The following MPHOSPH9 variants were observed in gnomAD, a reference collection of about 807,000 sequenced individuals.
The protein encoded by MPHOSPH9 is M-phase phosphoprotein 9.
MPHOSPH9 carries 88 observed loss-of-function variants against 145.5 expected under a neutral mutation model. That is an observed-to-expected ratio of 0.60 (90% CI 0.51 to 0.72). The LOEUF (loss-of-function observed/expected upper bound fraction) is 0.72. MPHOSPH9 is among the 30% of genes least tolerant of loss of function. The probability of loss-of-function intolerance (pLI) is 0.00; values close to 1 mark genes in which losing one functional copy is unlikely to be tolerated. For missense variants in MPHOSPH9, 1,238 were observed against 1,386.6 expected (o/e 0.89, Z 1.70); for synonymous variants, 435 against 486.2 (o/e 0.89, Z 1.39).
intron 4 of MPHOSPH9, among the ~76,000 whole-genome samples, chr12:123,222,160 C>G (rs1200276914): frequency 6.8e-6 from 1 of 147,434 alleles, no homozygotes; most frequent in African/African-American, 2.5e-5. Flanking sequence ...CGGTGAAACT[C>G]TGACTCTACT....
At chr12:123,176,567 A>T in intron 16 of MPHOSPH9, 121 bp downstream of exon 16, 1 of 697,848 alleles carries the variant, frequency 1.4e-6, no homozygotes, top group African/African-American at 1.8e-5. Flanking sequence ...AATCTAACAC[A>T]TTTAAGTTCT....
downstream of MPHOSPH9, chr12:123,153,376 G>A (rs138377282): frequency 7.2e-5 from 11 of 152,244 alleles, no homozygotes; most frequent in East Asian, 1.9e-3. Flanking sequence ...TTTGCAAAGC[G>A]TGAAGAGAAC....
In MPHOSPH9 at chr12:123,187,642, C is replaced by G. The variant is rs569974995; in HGVS notation, c.2242-6432G>C. ...TACTAATAATTTACATGATGTGGTT[C>G]CAATTCAGAGACAGACCAATGGAAC... On this transcript the variant is annotated intron_variant, in intron 13 of 23. Coordinates refer to ENST00000606320, the MANE Select transcript of MPHOSPH9 (RefSeq NM_022782.4). Among the ~76,000 whole-genome samples the G allele has an allele frequency of 5.3e-4, 80 of 152,230 alleles. No homozygotes were observed. The Middle Eastern group carries it at 0.01, about 20-fold the overall frequency.
At chr12:123,205,554 A>C (rs1274425493) in intron 8 of MPHOSPH9, among the ~76,000 whole-genome samples, 3 of 152,176 alleles carry the variant, frequency 2.0e-5, no homozygotes, top group African/African-American at 7.2e-5. Context: ...TCAAAAAAAA[A>C]AAAGTACCAC....
At chr12:123,239,649 G>A (rs531042482) in intron 1 of MPHOSPH9, among the ~76,000 whole-genome samples, 2 of 152,228 alleles carry the variant, frequency 1.3e-5, no homozygotes, top group Admixed American at 6.5e-5. Flanking sequence ...TGATCTGCCC[G>A]CCTTGGCCTC....
chr12:123,187,895 G>A (rs972268945), intron 13 of MPHOSPH9, among the ~76,000 whole-genome samples: 12 of 152,136 alleles, frequency 7.9e-5, no homozygotes, highest in African/African-American at 2.9e-4. Context: ...GTAGACTGAG[G>A]CGGGTGAATC....
At chr12:123,238,632 C>G (rs2047887391) in intron 1 of MPHOSPH9, among the ~76,000 whole-genome samples, 1 of 152,060 alleles carries the variant, frequency 6.6e-6, no homozygotes, top group South Asian at 2.1e-4. Flanking sequence ...AAAAGAAAAG[C>G]TTTTAAAAGT....
intron 15 of MPHOSPH9, 33 bp downstream of exon 15, chr12:123,179,893 G>A: frequency 1.8e-6 from 2 of 1,115,216 alleles, no homozygotes; most frequent in Non-Finnish European, 2.6e-6. Context: ...AACAATTGAG[G>A]TATGTGTACA....
chr12:123,203,366 T>C lies in MPHOSPH9; in HGVS notation c.1204A>G (p.Ser402Gly), dbSNP rs768178980. 1.2e-6 allele frequency: 2 copies of C among 1,603,004 alleles called. No homozygotes were observed. Among genetic ancestry groups the C allele is most frequent in the East Asian group, 2.2e-5 (1 of 44,834 alleles). ...TDVSPNQSNT[S>G]NEMKLPSLKD... ...AGTGACGGTAGCTTCATCTCATTAC[T>C]AGTATTAGACTTAAAGATACGAAAC... Residue 402 changes from serine (S) to glycine (G), a missense_variant, in exon 9 of 24, where the codon AGT becomes GGT. Ser to Gly is a moderately conservative substitution (Grantham distance 56). Around this residue, in one of 3 missense-constraint regions of MPHOSPH9, gnomAD observed 837 missense variants for 897.5 expected, o/e 0.93. Coordinates refer to ENST00000606320, the MANE Select transcript of MPHOSPH9 (RefSeq NM_022782.4).
intron 13 of MPHOSPH9, among the ~76,000 whole-genome samples, chr12:123,188,550 T>A (rs1051558389): frequency 6.6e-6 from 1 of 152,078 alleles, no homozygotes; most frequent in Admixed American, 6.6e-5. Flanking sequence ...TGGAATTGTT[T>A]AAAAAATAGA....
intron 16 of MPHOSPH9, among the ~76,000 whole-genome samples, chr12:123,171,251 C>T (rs145271698): frequency 0.012 from 1,523 of 132,340 alleles, 21 homozygotes; most frequent in African/African-American, 0.038. Flanking sequence ...GTCAGGAGTT[C>T]GAGACCAGCC....
Position 123,160,802 on chromosome 12 carries a change from A to C in MPHOSPH9, c.3429T>G (p.Thr1143=), listed in dbSNP as rs2044072470. 6.2e-7 allele frequency: 1 copy of C among 1,614,040 alleles called. No homozygotes were observed. The highest frequency in any genetic ancestry group is 8.5e-7 in the Non-Finnish European group (1 of 1,180,030). Reference sequence around the variant, plus strand: ...TCACCTGATTTAATCTTGTCTGTAAAGTGATTCGTCCTCCAGGAGAAGGCA... The same window carrying C: ...TCACCTGATTTAATCTTGTCTGTAACGTGATTCGTCCTCCAGGAGAAGGCA... ...SRMPSPGGRI[T]LQTRLNQEAL... is the part of the protein sequence containing the mutation. Residue 1143 remains threonine (T), a synonymous_variant, in exon 23 of 24, where the codon ACT becomes ACG. Coordinates refer to ENST00000606320, the MANE Select transcript of MPHOSPH9 (RefSeq NM_022782.4).
At chr12:123,227,903 A>G (rs1398996312) in intron 2 of MPHOSPH9, among the ~76,000 whole-genome samples, 1 of 152,238 alleles carries the variant, frequency 6.6e-6, no homozygotes, top group East Asian at 1.9e-4. Context: ...CTAAACAATA[A>G]GATTAATTTC....
intron 2 of MPHOSPH9, chr12:123,230,025 T>C: frequency 3.6e-6 from 1 of 280,512 alleles, no homozygotes; most frequent in East Asian, 8.5e-5. Context: ...CTTCACCATG[T>C]TAGCCAGGCT....
At chr12:123,174,485 G>A (rs2138023580) in intron 16 of MPHOSPH9, among the ~76,000 whole-genome samples, 1 of 151,076 alleles carries the variant, frequency 6.6e-6, no homozygotes, top group South Asian at 2.1e-4. Context: ...CCATTCTCCT[G>A]CCTCAGTCTC....
chr12:123,228,464 C>T (rs532475120), intron 2 of MPHOSPH9, among the ~76,000 whole-genome samples: 4 of 152,256 alleles, frequency 2.6e-5, no homozygotes, highest in South Asian at 2.1e-4. Context: ...CCAAGGCGGG[C>T]GGATCACCAG....
chr12:123,225,094 A>G (rs1435472250), intron 3 of MPHOSPH9, among the ~76,000 whole-genome samples: 1 of 152,190 alleles, frequency 6.6e-6, no homozygotes, highest in Non-Finnish European at 1.5e-5. Context: ...TATATTACCT[A>G]TGAATTTCAT....
intron 7 of MPHOSPH9, among the ~76,000 whole-genome samples, chr12:123,211,062 G>A (rs1430306104): frequency 7.2e-6 from 1 of 138,442 alleles, no homozygotes; most frequent in African/African-American, 2.8e-5. Context: ...TCGGCTCACT[G>A]CAACCTCCGC....
intron 23 of MPHOSPH9, among the ~76,000 whole-genome samples, chr12:123,158,162 A>C (rs1299486874): frequency 6.6e-6 from 1 of 152,030 alleles, no homozygotes; most frequent in African/African-American, 2.4e-5. Flanking sequence ...GCTCATTTTC[A>C]TATTTTTAGT....
Sources: allele counts gnomAD v4.1 joint callset (sites outside exome capture counted in the v4.1 genomes callset), GRCh38; gene constraint gnomAD v4.1.1; regional missense constraint gnomAD v4.1.1; transcripts MANE v1.5; gene names NCBI Gene and HGNC (gene_info 2026-07-23, HGNC 2026-07-21).